The following SLTM variants were observed in gnomAD, a reference collection of about 807,000 sequenced individuals.
SLTM encodes SAFB-like transcription modulator.
A neutral mutation model predicts 134.6 loss-of-function variants in SLTM; 43 were observed. The ratio of observed to expected loss-of-function variants is 0.32; its 90% CI spans 0.25 to 0.41. The LOEUF (loss-of-function observed/expected upper bound fraction) is 0.41, where lower values mean the gene tolerates loss of function less well. Among genes scored for constraint, SLTM ranks in the 10% least tolerant of loss-of-function variants. SLTM has a pLI of 1.00. For synonymous variants in SLTM, 424 were observed against 432.3 expected (o/e 0.98, Z 0.24); for missense variants, 1,055 against 1,288.8 (o/e 0.82, Z 2.78).
At chr15:58,916,902 T>G in intron 3 of SLTM, 33 bp downstream of exon 3, 1 of 1,589,584 alleles carries the variant, frequency 6.3e-7, no homozygotes, top group Non-Finnish European at 8.6e-7. Context: ...AGGCTTAAAA[T>G]AAGCATCTTA....
chr15:58,929,718 T>C (rs986138435), intron 2 of SLTM, among the ~76,000 whole-genome samples: 1 of 151,692 alleles, frequency 6.6e-6, no homozygotes, highest in East Asian at 1.9e-4. Context: ...GCACCCGGCC[T>C]AAAATAATCT....
chr15:58,890,154 ACT>A, intron 15 of SLTM, 125 bp downstream of exon 15: 2 of 1,018,734 alleles, frequency 2.0e-6, no homozygotes, highest in Non-Finnish European at 2.9e-6. Flanking sequence ...TTTCAGGGAC[ACT>A]TAAAAGCTCC....
chr15:58,933,223 C>CG (rs2038012522), intron 1 of SLTM, among the ~76,000 whole-genome samples, 181 bp downstream of exon 1: 1 of 151,524 alleles, frequency 6.6e-6, no homozygotes, highest in Admixed American at 6.6e-5. Context: ...GGGCGCGGGG[C>CG]GGGGGCACCG....
At chr15:58,930,824 A>T (rs1192337792) in intron 2 of SLTM, among the ~76,000 whole-genome samples, 1 of 151,060 alleles carries the variant, frequency 6.6e-6, no homozygotes, top group African/African-American at 2.4e-5. Context: ...TTAAAATTTT[A>T]TATTGCTGAA....
At chr15:58,901,376 T>A in intron 5 of SLTM, 89 bp from the exon 6 acceptor site, 1 of 1,076,188 alleles carries the variant, frequency 9.3e-7, no homozygotes, top group Non-Finnish European at 1.4e-6. Flanking sequence ...TTAAAATTGG[T>A]GGATAATTTA....
At position 58,932,354 on chromosome 15, in the gene SLTM, A is replaced by C; in HGVS notation, c.250+2T>G. 1 of 1,607,464 alleles carries C rather than the reference A, an allele frequency of 6.2e-7. No homozygotes were observed. Among genetic ancestry groups the C allele is most frequent in the South Asian group, 1.1e-5 (1 of 90,952 alleles). ...TAAAACATGTTCATAACTCGTAACA[A>C]CCTTTGCCTTTAGTTGGTTTCTTGT... On this transcript the variant is annotated splice_donor_variant, in intron 2 of 20. Transcript: ENST00000380516. LOFTEE classifies it high-confidence loss of function.
chr15:58,924,139 G>A (rs2037300420), intron 2 of SLTM, among the ~76,000 whole-genome samples: 1 of 151,698 alleles, frequency 6.6e-6, no homozygotes, highest in Admixed American at 6.6e-5. Flanking sequence ...TACGCTTTGA[G>A]GAAAAAACTA....
At chr15:58,895,210 T>C (rs752895858) in intron 9 of SLTM, among the ~76,000 whole-genome samples, 16 of 152,206 alleles carry the variant, frequency 1.1e-4, no homozygotes, top group Non-Finnish European at 1.8e-4. Flanking sequence ...ATCCCTATCA[T>C]AGGCCCACCC....
chr15:58,932,415 T>C lies in SLTM; in HGVS notation c.191A>G (p.Asp64Gly). Reference sequence around the variant, plus strand: ...AGTTGAAACAGTTAATTCAATATTATCTGGATCGCCTCCTTCCTCTTCAAT... The same window carrying C: ...AGTTGAAACAGTTAATTCAATATTACCTGGATCGCCTCCTTCCTCTTCAAT... Reference protein sequence around the residue: ...QAIEEEGGDPDNIELTVSTDT... With the variant: ...QAIEEEGGDPGNIELTVSTDT... Residue 64 changes from aspartate (D) to glycine (G), a missense_variant, in exon 2 of 21, where the codon GAT becomes GGT. By Grantham distance (94) the Asp-to-Gly change is moderately conservative (BLOSUM62 -1). Around this residue, in one of 3 missense-constraint regions of SLTM, gnomAD observed 268 missense variants for 284.3 expected, o/e 0.94. Coordinates refer to ENST00000380516, the MANE Select transcript of SLTM (RefSeq NM_024755.4). The C allele has an allele frequency of 1.2e-6, 2 of 1,613,266 alleles. No individual in the cohort carries two copies. The highest frequency in any genetic ancestry group is 1.7e-6 in the Non-Finnish European group (2 of 1,179,256).
In SLTM at chr15:58,893,383, ATAAAACAATGTC is replaced by A; in HGVS notation, c.1649-31_1649-20del. 1 of 1,545,708 alleles carries A rather than the reference ATAAAACAATGTC, an allele frequency of 6.5e-7. No homozygotes were observed. Among genetic ancestry groups the A allele is most frequent in the Non-Finnish European group, 8.8e-7 (1 of 1,138,844 alleles). On this transcript the variant is annotated intron_variant, in intron 12 of 20. Transcript: ENST00000380516. ...TTGGAACCTAAGGGAAAAAAATTAT[ATAAAACAATGTC>A]TAAAATTTTTCATTGAGAAAGAAAA...
chr15:58,920,847 C>T (rs1190582493), intron 2 of SLTM, among the ~76,000 whole-genome samples: 2 of 148,396 alleles, frequency 1.3e-5, no homozygotes, highest in African/African-American at 2.5e-5. Flanking sequence ...CCCAGCTACT[C>T]GGGAGGCTGA....
chr15:58,880,045 C>G lies in SLTM; in HGVS notation c.3059G>C (p.Gly1020Ala), dbSNP rs200215735. The change falls in exon 21 of 21, where the codon GGC (glycine) becomes GCC (alanine). Residue 1020 changes from glycine to alanine, a missense_variant. Around this residue, in one of 3 missense-constraint regions of SLTM, gnomAD observed 776 missense variants for 962.2 expected, o/e 0.81. Transcript: ENST00000380516. ...ACCCTTAAATGGCTTAAATCCGGAGCCACTTCCTCTTGGCATGGAATTGCC... is the reference window on the plus strand; with the variant it reads ...ACCCTTAAATGGCTTAAATCCGGAGGCACTTCCTCTTGGCATGGAATTGCC... ...ISGNSMPRGS[G>A]SGFKPFKGGP... is the part of the protein sequence containing the mutation. 9.4e-5 allele frequency: 151 copies of G among 1,614,022 alleles called. No individual in the cohort carries two copies. In the South Asian group the frequency reaches 1.5e-3, roughly 16 times the overall value.
chr15:58,901,163 T>A, intron 6 of SLTM, 97 bp downstream of exon 6: 1 of 941,414 alleles, frequency 1.1e-6, no homozygotes, highest in Non-Finnish European at 1.6e-6. Flanking sequence ...GAAAATAAAC[T>A]AATTTCAAAA....
intron 5 of SLTM, among the ~76,000 whole-genome samples, chr15:58,905,365 A>G (rs776283501): frequency 4.1e-4 from 63 of 152,158 alleles, no homozygotes; most frequent in Non-Finnish European, 5.6e-4. Context: ...AAATAAACTG[A>G]GACACCTGAG....
At chr15:58,917,330 T>C (rs898205263) in intron 2 of SLTM, among the ~76,000 whole-genome samples, 63 of 152,342 alleles carry the variant, frequency 4.1e-4, no homozygotes, top group African/African-American at 1.3e-3. Flanking sequence ...AATGGCATTC[T>C]ACTAACTATA....
At position 58,913,775 on chromosome 15, in the gene SLTM, AC is replaced by A. The variant is rs1268071232; in HGVS notation, c.316-80del. 8.8e-6 allele frequency: 9 copies of A among 1,023,514 alleles called. No homozygotes were observed. In the East Asian group the frequency reaches 1.9e-4, roughly 22 times the overall value. The allele number at this position is 1,023,514 out of a possible 1,614,324, so 63.4% of individuals were successfully genotyped here. A position where few individuals can be genotyped will look rare whatever the true frequency, so the allele number is the denominator to read the frequency against. On this transcript the variant is annotated intron_variant, in intron 3 of 20. Transcript: ENST00000380516. ...CCACCAAACGTTTTTGGTAATTTAC[AC>A]CTTTAAATGTGTCAAATTTGATCAT... is the stretch of plus-strand genomic sequence containing the variant.
At chr15:58,912,100 G>GT (rs796282134) in intron 5 of SLTM, among the ~76,000 whole-genome samples, 3,116 of 137,624 alleles carry the variant, frequency 0.023, 66 homozygotes, top group African/African-American at 0.057. Context: ...GCTGCCAATA[G>GT]TTTTTTTTTT....
chr15:58,919,584 C>T (rs1017084134), intron 2 of SLTM, among the ~76,000 whole-genome samples: 2 of 152,042 alleles, frequency 1.3e-5, no homozygotes, highest in African/African-American at 4.8e-5. Context: ...TGTAATTATA[C>T]CAACCACTGC....
At position 58,893,924 on chromosome 15, in the gene SLTM, GCTTT is replaced by G; in HGVS notation, c.1541_1544del (p.Glu514AlafsTer7). On this transcript the variant is annotated frameshift_variant, in exon 12 of 21. Coordinates refer to ENST00000380516, the MANE Select transcript of SLTM (RefSeq NM_024755.4). LOFTEE classifies it high-confidence loss of function. ...TACCTTCTATTTTCTTAGTATCCTT[GCTTT>G]CTTTTTTTTCAGATTTCTCAGACGA... 1 of 1,611,542 alleles carries G rather than the reference GCTTT, an allele frequency of 6.2e-7. No individual in the cohort carries two copies.
Sources: allele counts gnomAD v4.1 joint callset (sites outside exome capture counted in the v4.1 genomes callset), GRCh38; gene constraint gnomAD v4.1.1; regional missense constraint gnomAD v4.1.1; transcripts MANE v1.5; gene names NCBI Gene and HGNC (gene_info 2026-07-23, HGNC 2026-07-21).